The following MMP20 variants were observed in gnomAD, a reference collection of about 807,000 sequenced individuals.
The protein encoded by MMP20 is matrix metallopeptidase 20.
A neutral mutation model predicts 51.8 loss-of-function variants in MMP20; 50 were observed. The ratio of observed to expected loss-of-function variants is 0.97; its 90% CI spans 0.77 to 1.22. The LOEUF (loss-of-function observed/expected upper bound fraction) is 1.22. Among genes scored for constraint, MMP20 ranks in the 50% most tolerant of loss-of-function variants. MMP20 has a pLI of 0.00. For missense variants in MMP20, 663 were observed against 601.4 expected, an observed-to-expected ratio of 1.10 and a Z score of -1.07; for synonymous variants, 244 against 216.2, an observed-to-expected ratio of 1.13 and a Z score of -1.13.
At chr11:102,597,154 T>C (rs1245063014) in intron 6 of MMP20, among the ~76,000 whole-genome samples, 1 of 152,228 alleles carries the variant, frequency 6.6e-6, no homozygotes, top group East Asian at 1.9e-4. Context: ...ATGATGTCTC[T>C]GATGAGGTGT....
intron 8 of MMP20, among the ~76,000 whole-genome samples, chr11:102,585,748 C>T (rs898417556): frequency 2.0e-5 from 3 of 152,118 alleles, no homozygotes; most frequent in African/African-American, 4.8e-5. Flanking sequence ...TTCATAGACG[C>T]TCTTTATTGA....
Position 102,601,320 on chromosome 11 carries a change from G to A in MMP20, c.953+5215C>T, listed in dbSNP as rs1445633160. 8.3e-5 allele frequency among the ~76,000 whole-genome samples: 5 copies of A among 60,144 alleles called. 1 individual carries two copies. Among genetic ancestry groups the A allele is most frequent in the Admixed American group, 1.6e-4 (1 of 6,124 alleles). The allele number at this position is 60,144 out of a possible 152,430, so 39.5% of individuals were successfully genotyped here. On this transcript the variant is annotated intron_variant, in intron 6 of 9. Coordinates refer to ENST00000260228, the MANE Select transcript of MMP20 (RefSeq NM_004771.4). ...GCTAATTTTTTGTATTTTTAGTAGA[G>A]ACGGGGTTTCACCGTTTTAGCCGGG...
intron 8 of MMP20, among the ~76,000 whole-genome samples, chr11:102,593,061 C>G (rs1859335611): frequency 6.6e-6 from 1 of 152,192 alleles, no homozygotes; most frequent in Non-Finnish European, 1.5e-5. Flanking sequence ...TGCCCCAAAT[C>G]ATGGAGTATT....
intron 1 of MMP20, 63 bp from the exon 2 acceptor site, chr11:102,617,122 A>G (rs1464790179): frequency 1.9e-6 from 3 of 1,596,280 alleles, no homozygotes; most frequent in African/African-American, 2.7e-5. Flanking sequence ...ATGCTCAGGT[A>G]AGGCAGGGGA....
chr11:102,597,395 ACT>A (rs1859394480), intron 6 of MMP20, among the ~76,000 whole-genome samples: 1 of 152,204 alleles, frequency 6.6e-6, no homozygotes, highest in African/African-American at 2.4e-5. Flanking sequence ...CAAGTGGTAG[ACT>A]CTCAAATTCC....
rs1326131796 is a variant in MMP20, at chr11:102,594,687, G to T, written c.1024C>A (p.Gln342Lys). Reference sequence around the variant, plus strand: ...GCTGCATCCACATTGGACATGAGCTGGGGGAAGGAGCTGGTAATAGTGCTG... The same window carrying T: ...GCTGCATCCACATTGGACATGAGCTTGGGGAAGGAGCTGGTAATAGTGCTG... ...RPSTITSSFP[Q>K]LMSNVDAAYE... The change falls in exon 7 of 10, where the codon CAG (glutamine) becomes AAG (lysine). Residue 342 changes from glutamine to lysine, a missense_variant. Coordinates refer to ENST00000260228, the MANE Select transcript of MMP20 (RefSeq NM_004771.4). 2 of 1,613,126 alleles carry T rather than the reference G, an allele frequency of 1.2e-6. No homozygotes were observed. Among genetic ancestry groups the T allele is most frequent in the Admixed American group, 1.7e-5 (1 of 59,922 alleles).
In MMP20 at chr11:102,609,071, T is replaced by C. The variant is rs773394235; in HGVS notation, c.677A>G (p.His226Arg). The C allele has an allele frequency of 5.0e-6, 8 of 1,614,200 alleles. No homozygotes were observed. Among genetic ancestry groups the C allele is most frequent in the Non-Finnish European group, 5.9e-6 (7 of 1,180,014 alleles). ...NGFNLFTVAAHEFGHALGLAH... is the reference protein window; with the variant it reads ...NGFNLFTVAAREFGHALGLAH... ...CAGGCCCAGGGCATGGCCAAATTCA[T>C]GAGCAGCAACGGTAAACAAATTAAA... The change falls in exon 5 of 10, where the codon CAT becomes CGT. Residue 226 changes from histidine (H) to arginine (R), a missense_variant. His to Arg is a conservative substitution (Grantham distance 29, BLOSUM62 0). Coordinates refer to ENST00000260228, the MANE Select transcript of MMP20 (RefSeq NM_004771.4).
Position 102,624,434 on chromosome 11 carries a change from A to G in MMP20, c.126+760T>C, listed in dbSNP as rs1008508049. On this transcript the variant is annotated intron_variant, in intron 1 of 9. Coordinates refer to ENST00000260228, the MANE Select transcript of MMP20 (RefSeq NM_004771.4). ...TATATATATATATATATATATATATATATATATATATATGTAGAAATCATT... is the reference window on the plus strand; with the variant it reads ...TATATATATATATATATATATATATGTATATATATATATGTAGAAATCATT... Among the ~76,000 whole-genome samples the G allele has an allele frequency of 2.7e-3, 139 of 50,830 alleles. 2 individuals are homozygous for G. The highest frequency in any genetic ancestry group is 8.1e-3 in the African/African-American group (131 of 16,138). The allele number at this position is 50,830 out of a possible 152,430, so 33.3% of individuals were successfully genotyped here. A position where few individuals can be genotyped will look rare whatever the true frequency, so the allele number is the denominator to read the frequency against.
chr11:102,605,514 A>G (rs1859503928), intron 6 of MMP20: 1 of 151,712 alleles, frequency 6.6e-6, no homozygotes, highest in African/African-American at 2.4e-5. Context: ...ACATTTCTCA[A>G]ACGTCTGCTC....
At chr11:102,596,159 G>A (rs1246856232) in intron 6 of MMP20, among the ~76,000 whole-genome samples, 1 of 152,168 alleles carries the variant, frequency 6.6e-6, no homozygotes, top group East Asian at 1.9e-4. Context: ...TTAAGTTCAG[G>A]ATACTTTGAG....
At chr11:102,597,266 T>C (rs1047954259) in intron 6 of MMP20, among the ~76,000 whole-genome samples, 1 of 152,222 alleles carries the variant, frequency 6.6e-6, no homozygotes, top group Non-Finnish European at 1.5e-5. Flanking sequence ...CAAAGCTAAG[T>C]CCTACTTTTT....
intron 5 of MMP20, among the ~76,000 whole-genome samples, chr11:102,608,395 C>T (rs1035672654): frequency 6.6e-6 from 1 of 152,110 alleles, no homozygotes; most frequent in Non-Finnish European, 1.5e-5. Flanking sequence ...CTTAGGATAT[C>T]TTAGGATACT....
intron 7 of MMP20, 55 bp downstream of exon 7, chr11:102,594,566 A>T: frequency 1.9e-6 from 3 of 1,607,374 alleles, no homozygotes; most frequent in Non-Finnish European, 1.7e-6. Flanking sequence ...GATATGCCAA[A>T]TGAATGGGGC....
chr11:102,604,018 GTGT>G (rs1483466755), intron 6 of MMP20, among the ~76,000 whole-genome samples: 8 of 106,082 alleles, frequency 7.5e-5, no homozygotes, highest in African/African-American at 2.2e-4. Context: ...ATAAACAGAG[GTGT>G]TTTTTTTTTT....
chr11:102,618,343 A>C (rs1474051599), intron 1 of MMP20, among the ~76,000 whole-genome samples: 1 of 151,542 alleles, frequency 6.6e-6, no homozygotes, highest in Non-Finnish European at 1.5e-5. Flanking sequence ...TATAAATTAC[A>C]TATTATTAGC....
At chr11:102,608,502 G>GA in intron 5 of MMP20, among the ~76,000 whole-genome samples, 1 of 152,254 alleles carries the variant, frequency 6.6e-6, no homozygotes, top group East Asian at 1.9e-4. Context: ...CTACACACAT[G>GA]AACCTGTTTT....
intron 8 of MMP20, among the ~76,000 whole-genome samples, chr11:102,587,672 T>C (rs768492250): frequency 3.3e-5 from 5 of 152,204 alleles, no homozygotes; most frequent in Non-Finnish European, 7.4e-5. Context: ...TCATGGTATA[T>C]TGACTTTTTG....
At chr11:102,595,628 C>T (rs553587377) in intron 6 of MMP20, among the ~76,000 whole-genome samples, 4 of 152,114 alleles carry the variant, frequency 2.6e-5, no homozygotes, top group South Asian at 2.1e-4. Context: ...CATAATTGTG[C>T]GCTGGAAGCA....
At chr11:102,596,582 A>G (rs1026009212) in intron 6 of MMP20, among the ~76,000 whole-genome samples, 1 of 152,202 alleles carries the variant, frequency 6.6e-6, no homozygotes. Flanking sequence ...GGCACCCTCC[A>G]TAGACAATAC....
Sources: gnomAD v4.1 joint callset for allele counts (sites outside exome capture counted in the v4.1 genomes callset) on GRCh38, gnomAD v4.1.1 for gene constraint, MANE v1.5 for transcripts, NCBI Gene and HGNC (gene_info 2026-07-23, HGNC 2026-07-21) for gene names.